Variants in PMPCB observed in about 807,000 individuals in gnomAD.
PMPCB encodes the protein peptidase, mitochondrial processing subunit beta.
A neutral mutation model predicts 61.5 loss-of-function variants in PMPCB; 46 were observed. The observed-to-expected ratio is 0.75, with a 90% CI of 0.59 to 0.96. The LOEUF is 0.96. Among genes scored for constraint, PMPCB ranks in the 40% least tolerant of loss-of-function variants. The probability of loss-of-function intolerance (pLI) is 0.00; values close to 1 mark genes in which losing one functional copy is unlikely to be tolerated. For synonymous variants in PMPCB, 191 were observed against 201.6 expected (o/e 0.95, Z 0.44); for missense variants, 590 against 602.4 (o/e 0.98, Z 0.22).
rs139765364 is a variant in PMPCB, at chr7:103,299,274, G to A, written c.241-169G>A. Among the ~76,000 whole-genome samples the A allele has an allele frequency of 3.8e-3, 582 of 152,286 alleles. 4 individuals carry two copies. Among genetic ancestry groups the A allele is most frequent in the African/African-American group, 0.014 (563 of 41,552 alleles). On this transcript the variant is annotated intron_variant, in intron 2 of 12. Coordinates refer to ENST00000249269, the MANE Select transcript of PMPCB (RefSeq NM_004279.3). ...TGTAGCACCCAGCAGTATCCTGATC[G>A]AAATTTTTAAATCTCATAGTTCACA...
the PMPCB span, among the ~76,000 whole-genome samples, chr7:103,338,814 G>C: frequency 2.0e-5 from 3 of 152,042 alleles, no homozygotes; most frequent in Admixed American, 1.3e-4. Flanking sequence ...GGAGGCTGAG[G>C]CAAGATAATT....
In PMPCB at chr7:103,314,355, G is replaced by A; in HGVS notation, c.*2084G>A. On this transcript the variant is annotated 3_prime_UTR_variant, in exon 13 of 13. Transcript: ENST00000249269. ...AAATGGTGCCAGCTTGCTGTTTAAT[G>A]GTACAACTGAAGAGGAAGGAGCCTT... 2 of 985,360 alleles carry A rather than the reference G, an allele frequency of 2.0e-6. No homozygotes were observed. Among genetic ancestry groups the A allele is most frequent in the Non-Finnish European group, 2.4e-6 (2 of 829,914 alleles). 61.0% of individuals were successfully genotyped at this position (985,360 alleles called of 1,614,324 possible). A position where few individuals can be genotyped will look rare whatever the true frequency, so the allele number is the denominator to read the frequency against.
downstream of PMPCB, among the ~76,000 whole-genome samples, chr7:103,318,285 C>G (rs1012745741): frequency 6.6e-6 from 1 of 152,152 alleles, no homozygotes; most frequent in African/African-American, 2.4e-5. Context: ...CTAACCTCAG[C>G]CTCCTGAGAA....
the PMPCB span, chr7:103,344,475 A>T: frequency 6.7e-7 from 1 of 1,486,918 alleles, no homozygotes; most frequent in Non-Finnish European, 9.4e-7. Context: ...GGTCAAGGGT[A>T]GAGAGAGCCC....
the PMPCB span, chr7:103,341,764 C>A: frequency 1.3e-6 from 2 of 1,557,714 alleles, no homozygotes; most frequent in South Asian, 1.2e-5. Context: ...TATTAAATAC[C>A]TTCCAGTCTT....
At chr7:103,346,333 A>T in the PMPCB span, among the ~76,000 whole-genome samples, 1 of 152,092 alleles carries the variant, frequency 6.6e-6, no homozygotes, top group Non-Finnish European at 1.5e-5. Context: ...GGGTTTAGCC[A>T]TGTTGGCCAG....
downstream of PMPCB, among the ~76,000 whole-genome samples, chr7:103,317,558 C>T (rs1818138808): frequency 6.6e-6 from 1 of 152,186 alleles, no homozygotes. Context: ...CATTTCTCCC[C>T]TTCAATCCCT....
chr7:103,316,513 C>T (rs1818064087), downstream of PMPCB: 1 of 261,450 alleles, frequency 3.8e-6, no homozygotes, highest in Non-Finnish European at 7.2e-6. Context: ...AAGAGCAAGA[C>T]TGTAAAAGAA....
intron 12 of PMPCB, chr7:103,323,787 C>A: frequency 1.4e-6 from 1 of 720,224 alleles, no homozygotes; most frequent in Non-Finnish European, 2.0e-6. Flanking sequence ...GAACTAAGGT[C>A]AAGTCTTTCT....
chr7:103,316,182 T>C (rs769784639), downstream of PMPCB: 46 of 718,710 alleles, frequency 6.4e-5, no homozygotes, highest in Non-Finnish European at 8.7e-5. Context: ...AGAAAGGTTA[T>C]AGTATGTACA....
intron 12 of PMPCB, among the ~76,000 whole-genome samples, chr7:103,320,139 A>G (rs1294038248): frequency 3.9e-5 from 6 of 152,132 alleles, no homozygotes; most frequent in African/African-American, 1.4e-4. Context: ...CCCAGGCTGG[A>G]GTCCAGTGGC....
At chr7:103,316,145 C>T (rs538312869), downstream of PMPCB, 99 of 1,107,292 alleles carry the variant, frequency 8.9e-5, 1 homozygote, top group Middle Eastern at 1.2e-3. Context: ...CAAAATGAAA[C>T]GACAAAAACC....
downstream of PMPCB, chr7:103,316,237 T>A (rs1210249761): frequency 6.4e-6 from 3 of 470,912 alleles, no homozygotes; most frequent in Non-Finnish European, 1.1e-5. Context: ...TACTATAAAT[T>A]CCTGTTGCCT....
At chr7:103,325,885 C>A (rs1818677068) in intron 12 of PMPCB, among the ~76,000 whole-genome samples, 1 of 152,002 alleles carries the variant, frequency 6.6e-6, no homozygotes. Flanking sequence ...GACAATGAGT[C>A]AGAGAGTAGT....
At chr7:103,308,274 G>A (rs955683758) in intron 7 of PMPCB, among the ~76,000 whole-genome samples, 1 of 152,198 alleles carries the variant, frequency 6.6e-6, no homozygotes, top group Non-Finnish European at 1.5e-5. Flanking sequence ...TAGAACTGTA[G>A]CATTGGCAGT....
chr7:103,311,035 A>G (rs973585266), intron 9 of PMPCB: 2 of 152,242 alleles, frequency 1.3e-5, no homozygotes, highest in Non-Finnish European at 2.9e-5. Flanking sequence ...GATGATCCTA[A>G]AAGTTTAAAA....
At chr7:103,319,368 C>T (rs944772709), downstream of PMPCB, among the ~76,000 whole-genome samples, 7 of 151,678 alleles carry the variant, frequency 4.6e-5, no homozygotes, top group Admixed American at 2.0e-4. Context: ...ACCCGGGAGG[C>T]GGAGGTTGTA....
the PMPCB span, among the ~76,000 whole-genome samples, chr7:103,340,463 C>G: frequency 6.6e-6 from 1 of 152,138 alleles, no homozygotes; most frequent in Admixed American, 6.5e-5. Flanking sequence ...TCTTATTATC[C>G]ATTATTTGTT....
chr7:103,319,763 G>A, intron 12 of PMPCB: 5 of 1,614,164 alleles, frequency 3.1e-6, no homozygotes, highest in Non-Finnish European at 4.2e-6. Context: ...TACCTTGCCA[G>A]TTCAAGCCGA....
Sources: gnomAD v4.1 joint callset for allele counts (sites outside exome capture counted in the v4.1 genomes callset) on GRCh38, gnomAD v4.1.1 for gene constraint, MANE v1.5 for transcripts, NCBI Gene and HGNC (gene_info 2026-07-23, HGNC 2026-07-21) for gene names.